Variants in FAM193A observed in about 807,000 individuals in gnomAD.
FAM193A encodes family with sequence similarity 193 member A.
Under a neutral mutation model 126.5 loss-of-function variants are expected in FAM193A, and 22 were observed. The observed-to-expected ratio is 0.17, with a 90% CI of 0.12 to 0.25. FAM193A has a LOEUF of 0.25. Ranked by LOEUF, FAM193A falls within the 10% of genes least tolerant of loss-of-function variation. The pLI is 1.00. For missense variants in FAM193A, 1,675 were observed against 1,672.8 expected, an observed-to-expected ratio of 1.00 and a Z score of -0.02; for synonymous variants, 761 against 646.8, an observed-to-expected ratio of 1.18 and a Z score of -2.68.
chr4:2,589,031 A>G (rs1740382243), intron 1 of FAM193A, among the ~76,000 whole-genome samples: 1 of 152,252 alleles, frequency 6.6e-6, no homozygotes, highest in Admixed American at 6.5e-5. Context: ...GTGCTGTCCC[A>G]TGACAGAGCA....
chr4:2,705,672 C>G (rs953058751), intron 19 of FAM193A, among the ~76,000 whole-genome samples: 4 of 151,944 alleles, frequency 2.6e-5, no homozygotes, highest in African/African-American at 9.7e-5. Flanking sequence ...TCACTGCAGC[C>G]TGGAACTCCT....
intron 2 of FAM193A, among the ~76,000 whole-genome samples, chr4:2,601,725 T>TAAA (rs974230252): frequency 7.0e-6 from 1 of 143,332 alleles, no homozygotes. Context: ...TCTGTCTCTA[T>TAAA]AAAAAAAAAA....
At chr4:2,664,647 A>T (rs1392153076) in intron 12 of FAM193A, among the ~76,000 whole-genome samples, 4 of 138,616 alleles carry the variant, frequency 2.9e-5, no homozygotes, top group African/African-American at 1.1e-4. Flanking sequence ...CCTCACTGCA[A>T]CCTCTCCCTT....
Position 2,651,895 on chromosome 4 carries a change from A to C in FAM193A, c.1311+5063A>C, listed in dbSNP as rs942021904. On this transcript the variant is annotated intron_variant, in intron 7 of 20. Coordinates refer to ENST00000637812, the MANE Select transcript of FAM193A (RefSeq NM_001366318.2). ...CAGACAGCCCCCAGGAGGAGAGTCC[A>C]GACCCCGTGTAGATGTGTGTGATCA... is the stretch of plus-strand genomic sequence containing the variant. Among the ~76,000 whole-genome samples, 24 of 152,306 alleles carry C rather than the reference A, an allele frequency of 1.6e-4. No individual in the cohort carries two copies. The East Asian group carries it at 4.6e-3, about 29-fold the overall frequency.
chr4:2,585,844 G>A (rs1305589846), intron 1 of FAM193A, among the ~76,000 whole-genome samples: 1 of 152,154 alleles, frequency 6.6e-6, no homozygotes, highest in East Asian at 1.9e-4. Context: ...AGGGATAATT[G>A]CTTGAACCTG....
intron 1 of FAM193A, among the ~76,000 whole-genome samples, chr4:2,576,288 C>T (rs769326733): frequency 2.0e-5 from 3 of 151,974 alleles, no homozygotes; most frequent in South Asian, 2.1e-4. Context: ...TTAGTGGAGA[C>T]GGGGTTTCAC....
At chr4:2,561,013 CT>C (rs1405249666) in intron 1 of FAM193A, among the ~76,000 whole-genome samples, 1 of 152,212 alleles carries the variant, frequency 6.6e-6, no homozygotes, top group Non-Finnish European at 1.5e-5. Flanking sequence ...CTTTGCCTTC[CT>C]GTGCATGGCA....
intron 1 of FAM193A, among the ~76,000 whole-genome samples, chr4:2,554,912 T>C (rs1309716017): frequency 6.6e-6 from 1 of 152,202 alleles, no homozygotes; most frequent in African/African-American, 2.4e-5. Context: ...TAATTAATAT[T>C]GGCATGTTAT....
At chr4:2,605,707 C>A (rs1741492792) in intron 2 of FAM193A, among the ~76,000 whole-genome samples, 1 of 152,146 alleles carries the variant, frequency 6.6e-6, no homozygotes, top group South Asian at 2.1e-4. Context: ...CACGGTGGCT[C>A]ACGCCTGTAA....
chr4:2,694,927 C>T lies in FAM193A; in HGVS notation c.3093-19C>T, dbSNP rs778374599. ...CCCGGGCCGGCCACTTGCTGATGAG[C>T]TTGTATGCGGTTTTGCAGTGACCCT... On this transcript the variant is annotated intron_variant, in intron 16 of 20. Coordinates refer to ENST00000637812, the MANE Select transcript of FAM193A (RefSeq NM_001366318.2). 64 of 1,571,610 alleles carry T rather than the reference C, an allele frequency of 4.1e-5. No individual in the cohort carries two copies. The highest frequency in any genetic ancestry group is 5.3e-5 in the Non-Finnish European group (62 of 1,162,306).
chr4:2,648,317 C>T (rs952800420), intron 7 of FAM193A, among the ~76,000 whole-genome samples: 4 of 152,214 alleles, frequency 2.6e-5, no homozygotes, highest in African/African-American at 9.6e-5. Context: ...CTCTGCGCCT[C>T]TTCCTTGGCT....
chr4:2,685,541 A>G (rs1027079000), intron 13 of FAM193A, among the ~76,000 whole-genome samples: 10 of 152,206 alleles, frequency 6.6e-5, no homozygotes, highest in Non-Finnish European at 1.2e-4. Flanking sequence ...CAAAGCAAAG[A>G]TGGTCCTTCG....
At chr4:2,648,408 C>T (rs1745352222) in intron 7 of FAM193A, among the ~76,000 whole-genome samples, 1 of 152,228 alleles carries the variant, frequency 6.6e-6, no homozygotes, top group Non-Finnish European at 1.5e-5. Context: ...TGTCCTGTGC[C>T]TCATGGTGGG....
chr4:2,574,945 G>A (rs922641498), intron 1 of FAM193A, among the ~76,000 whole-genome samples: 3 of 152,096 alleles, frequency 2.0e-5, no homozygotes, highest in Non-Finnish European at 2.9e-5. Context: ...TTCGTGACCC[G>A]CCTGTGGGAA....
intron 2 of FAM193A, among the ~76,000 whole-genome samples, chr4:2,618,489 G>A (rs1428678023): frequency 6.6e-6 from 1 of 151,666 alleles, no homozygotes; most frequent in Non-Finnish European, 1.5e-5. Context: ...GTGCGATGGT[G>A]CGATCTCGGC....
rs1368471895 is a variant in FAM193A, at chr4:2,596,275, C to G, written c.447C>G (p.Asp149Glu). 1 of 702,956 alleles carries G rather than the reference C, an allele frequency of 1.4e-6. No individual in the cohort carries two copies. The highest frequency in any genetic ancestry group is 2.6e-6 in the Non-Finnish European group (1 of 385,024). The allele number at this position is 702,956 out of a possible 1,614,324, so 43.5% of individuals were successfully genotyped here. A position where few individuals can be genotyped will look rare whatever the true frequency, so the allele number is the denominator to read the frequency against. Residue 149 changes from aspartate (D) to glutamate (E), a missense_variant, in exon 2 of 21, where the codon GAC becomes GAG. Around this residue, in one of 4 missense-constraint regions of FAM193A, gnomAD observed 1,186 missense variants for 1,109.2 expected, o/e 1.07. Transcript: ENST00000637812. Reference sequence around the variant, plus strand: ...ACCTGCCACTGTGGGTGTGCCCGGACTGCCGCAGGACCGTGGAGAAGGAGG... The same window carrying G: ...ACCTGCCACTGTGGGTGTGCCCGGAGTGCCGCAGGACCGTGGAGAAGGAGG... The part of the protein sequence containing the change: ...VLHLPLWVCP[D>E]CRRTVEKEER...
chr4:2,617,984 G>T (rs1458685864), intron 2 of FAM193A, among the ~76,000 whole-genome samples: 1 of 152,092 alleles, frequency 6.6e-6, no homozygotes, highest in Non-Finnish European at 1.5e-5. Context: ...GTAGGCCAGG[G>T]TAGCTTCTGT....
intron 15 of FAM193A, 139 bp from the exon 16 acceptor site, chr4:2,693,447 A>G: frequency 1.2e-6 from 1 of 842,234 alleles, no homozygotes; most frequent in Non-Finnish European, 1.9e-6. Context: ...AAGTTTATAA[A>G]TATGACAGAA....
chr4:2,645,830 G>A (rs1056455023), intron 6 of FAM193A, among the ~76,000 whole-genome samples: 5 of 152,064 alleles, frequency 3.3e-5, no homozygotes, highest in East Asian at 3.9e-4. Context: ...CCTGACCGCC[G>A]TCTTTCTTAA....
Sources: gnomAD v4.1 joint callset for allele counts (sites outside exome capture counted in the v4.1 genomes callset) on GRCh38, gnomAD v4.1.1 for gene constraint, gnomAD v4.1.1 regional missense constraint, MANE v1.5 for transcripts, NCBI Gene and HGNC (gene_info 2026-07-23, HGNC 2026-07-21) for gene names.